FOXP1: variants seen among roughly 807,000 people sequenced by gnomAD.
The protein encoded by FOXP1 is forkhead box protein P1.
In FOXP1, 15 loss-of-function variants were observed where a neutral mutation model predicts 98.2. That is an observed-to-expected ratio of 0.15 (90% CI 0.10 to 0.24). The LOEUF is 0.24. FOXP1 is among the 10% of genes least tolerant of loss of function. FOXP1 has a pLI of 1.00. For missense variants in FOXP1, 633 were observed against 848.5 expected (o/e 0.75, Z 3.15); for synonymous variants, 371 against 314.5 (o/e 1.18, Z -1.90).
At chr3:71,518,939 T>C (rs1048058549) in intron 2 of FOXP1, among the ~76,000 whole-genome samples, 5 of 152,186 alleles carry the variant, frequency 3.3e-5, no homozygotes, top group African/African-American at 4.8e-5. Context: ...AGTGGTTACA[T>C]AGCAGGGGAT....
Position 70,987,980 on chromosome 3 carries a change from G to A in FOXP1, c.1146+14C>T, listed in dbSNP as rs773962862. On this transcript the variant is annotated intron_variant, in intron 14 of 20. Transcript: ENST00000649528. ...AGTTTTGTTTTTTTCCCCTTGGTGG[G>A]GATCAATACTTACGGGCTGAGGGGC... The A allele has an allele frequency of 1.7e-5, 27 of 1,612,488 alleles. 1 individual carries two copies. In the East Asian group the frequency reaches 4.7e-4, roughly 28 times the overall value.
intron 3 of FOXP1, among the ~76,000 whole-genome samples, chr3:71,380,525 C>A (rs2080064662): frequency 1.3e-5 from 2 of 152,180 alleles, no homozygotes; most frequent in African/African-American, 2.4e-5. Flanking sequence ...TTTCTTTTCA[C>A]TCTGATGGAA....
chr3:71,228,178 G>C (rs1258709313), intron 5 of FOXP1, among the ~76,000 whole-genome samples: 1 of 152,082 alleles, frequency 6.6e-6, no homozygotes, highest in Admixed American at 6.6e-5. Context: ...CGGAAAGAGA[G>C]GATATTTAGG....
In FOXP1 at chr3:71,257,091, G is replaced by C. The variant is rs148448758; in HGVS notation, c.-12+42729C>G. ...GCCCATGCTTGATGCTGATTCACGG[G>C]AGGAAGCTGAGTTTATTGAACTCTT... On this transcript the variant is annotated intron_variant, in intron 5 of 20. Coordinates refer to ENST00000649528, the MANE Select transcript of FOXP1 (RefSeq NM_001349338.3). 9.8e-5 allele frequency among the ~76,000 whole-genome samples: 15 copies of C among 152,302 alleles called. 1 individual carries two copies. Among genetic ancestry groups the C allele is most frequent in the African/African-American group, 3.6e-4 (15 of 41,564 alleles).
At chr3:71,200,083 C>CAAAAAAAAAAA (rs61281811) in intron 5 of FOXP1, among the ~76,000 whole-genome samples, 29 of 76,102 alleles carry the variant, frequency 3.8e-4, no homozygotes, top group Admixed American at 5.8e-4. Flanking sequence ...CTCCATCTCA[C>CAAAAAAAAAAA]AAAAAAAAAA....
chr3:71,325,270 C>T (rs1369944816), intron 4 of FOXP1, among the ~76,000 whole-genome samples: 1 of 152,138 alleles, frequency 6.6e-6, no homozygotes, highest in Non-Finnish European at 1.5e-5. Context: ...CCAGGCGGGT[C>T]TCGAACTCCT....
intron 3 of FOXP1, among the ~76,000 whole-genome samples, chr3:71,411,550 C>T (rs927125598): frequency 2.0e-5 from 3 of 152,162 alleles, no homozygotes; most frequent in Admixed American, 6.5e-5. Context: ...TCTCGATCTC[C>T]TGACCTCGTG....
At chr3:71,214,336 A>C (rs2064750460) in intron 5 of FOXP1, among the ~76,000 whole-genome samples, 1 of 152,174 alleles carries the variant, frequency 6.6e-6, no homozygotes, top group Non-Finnish European at 1.5e-5. Flanking sequence ...GCCAACGAGA[A>C]AGACAGGGCT....
chr3:71,367,473 A>C (rs1270387449), intron 3 of FOXP1, among the ~76,000 whole-genome samples: 2 of 152,136 alleles, frequency 1.3e-5, no homozygotes, highest in African/African-American at 2.4e-5. Flanking sequence ...CCTCCCGCTT[A>C]ACTACGTATC....
intron 3 of FOXP1, among the ~76,000 whole-genome samples, chr3:71,406,405 G>GTGTATGTATATATATATATATATATATA (rs1347753258): frequency 7.6e-5 from 8 of 105,942 alleles, no homozygotes; most frequent in Non-Finnish European, 1.6e-4. Flanking sequence ...AACTGTATGT[G>GTGTATGTATATATATATATATATATATA]TATATATATA....
intron 5 of FOXP1, among the ~76,000 whole-genome samples, chr3:71,210,331 T>C (rs2064357124): frequency 6.6e-6 from 1 of 152,230 alleles, no homozygotes. Context: ...TTTTGTTTTG[T>C]TGCTCTGTGG....
intron 4 of FOXP1, among the ~76,000 whole-genome samples, chr3:71,302,119 C>T (rs2073896821): frequency 6.6e-6 from 1 of 152,172 alleles, no homozygotes; most frequent in African/African-American, 2.4e-5. Flanking sequence ...TAATTTATTT[C>T]TGTTGATTTT....
chr3:71,256,519 G>A (rs1576618304), intron 5 of FOXP1, among the ~76,000 whole-genome samples: 1 of 152,264 alleles, frequency 6.6e-6, no homozygotes, highest in Middle Eastern at 3.4e-3. Context: ...GAGTAGCTGG[G>A]ACTACAGGTG....
chr3:71,029,483 C>T (rs577351412), intron 11 of FOXP1, among the ~76,000 whole-genome samples: 17 of 151,102 alleles, frequency 1.1e-4, no homozygotes, highest in East Asian at 3.9e-4. Flanking sequence ...CTCTACCTCC[C>T]GGGTTCAAGT....
chr3:71,106,057 A>G (rs1575720411), intron 7 of FOXP1, among the ~76,000 whole-genome samples: 2 of 152,190 alleles, frequency 1.3e-5, no homozygotes, highest in East Asian at 3.9e-4. Context: ...CTGGCTTCCC[A>G]TCCTGGTGCT....
At chr3:71,366,879 T>C (rs2078964440) in intron 3 of FOXP1, among the ~76,000 whole-genome samples, 2 of 152,244 alleles carry the variant, frequency 1.3e-5, no homozygotes, top group Admixed American at 1.3e-4. Flanking sequence ...TTTCATACTT[T>C]AAGCCTTTAC....
intron 3 of FOXP1, among the ~76,000 whole-genome samples, chr3:71,454,829 CG>C (rs2087311812): frequency 6.6e-6 from 1 of 151,796 alleles, no homozygotes; most frequent in Non-Finnish European, 1.5e-5. Context: ...GCTTTCTGAG[CG>C]CCATCTCTCT....
chr3:71,182,810 G>A (rs1325041976), intron 6 of FOXP1, among the ~76,000 whole-genome samples: 1 of 151,894 alleles, frequency 6.6e-6, no homozygotes, highest in Non-Finnish European at 1.5e-5. Context: ...CTCCCAAAGT[G>A]CAGGAATTAC....
At chr3:71,016,211 A>T (rs571346056) in intron 11 of FOXP1, among the ~76,000 whole-genome samples, 20 of 151,864 alleles carry the variant, frequency 1.3e-4, no homozygotes, top group African/African-American at 4.1e-4. Flanking sequence ...TGTTTTTTTT[A>T]AAAAAGCTAA....
Sources: allele counts gnomAD v4.1 joint callset (sites outside exome capture counted in the v4.1 genomes callset), GRCh38; gene constraint gnomAD v4.1.1; transcripts MANE v1.5; gene names NCBI Gene and HGNC (gene_info 2026-07-23, HGNC 2026-07-21).